EXOC4: variants seen among roughly 807,000 people sequenced by gnomAD.
The protein encoded by EXOC4 is SEC8-like 1.
In EXOC4, 71 loss-of-function variants were observed where a neutral mutation model predicts 107.2. The ratio of observed to expected loss-of-function variants is 0.66; its 90% CI spans 0.55 to 0.81. The LOEUF is 0.81. Ranked by LOEUF, EXOC4 falls within the 30% of genes least tolerant of loss-of-function variation. The pLI, the probability that EXOC4 is intolerant of heterozygous loss-of-function variation, is 0.00. For synonymous variants in EXOC4, 456 were observed against 441.2 expected, an observed-to-expected ratio of 1.03 and a Z score of -0.42; for missense variants, 1,108 against 1,189.6, an observed-to-expected ratio of 0.93 and a Z score of 1.01.
chr7:133,370,035 C>T (rs948479698), intron 6 of EXOC4, among the ~76,000 whole-genome samples: 8 of 152,002 alleles, frequency 5.3e-5, no homozygotes, highest in Non-Finnish European at 7.4e-5. Flanking sequence ...TCAGGTGATC[C>T]GCCACCTCGG....
chr7:133,281,997 CCAGA>C (rs1438310940), intron 2 of EXOC4, among the ~76,000 whole-genome samples: 2 of 152,110 alleles, frequency 1.3e-5, no homozygotes, highest in Non-Finnish European at 2.9e-5. Context: ...GCGATCACGC[CCAGA>C]CAAATTCAGT....
chr7:133,918,739 T>G (rs1799867901), intron 13 of EXOC4, among the ~76,000 whole-genome samples: 1 of 86,896 alleles, frequency 1.2e-5, no homozygotes, highest in African/African-American at 1.4e-4. Flanking sequence ...CCTCTGTCAC[T>G]TATAGAGCTG....
intron 3 of EXOC4, among the ~76,000 whole-genome samples, chr7:133,298,979 G>T (rs1563007940): frequency 6.6e-6 from 1 of 152,062 alleles, no homozygotes; most frequent in East Asian, 1.9e-4. Context: ...TAATGTTTAG[G>T]GATAGGCACA....
intron 7 of EXOC4, among the ~76,000 whole-genome samples, chr7:133,461,930 G>A (rs939838396): frequency 1.3e-5 from 2 of 152,166 alleles, no homozygotes; most frequent in African/African-American, 4.8e-5. Context: ...ACAAACTGCT[G>A]TATGGGTTTT....
In EXOC4 at chr7:133,885,538, C is replaced by T. The variant is rs1026106311; in HGVS notation, c.1735-10061C>T. Among the ~76,000 whole-genome samples, 4 of 152,294 alleles carry T rather than the reference C, an allele frequency of 2.6e-5. No individual in the cohort carries two copies. The South Asian group carries it at 8.3e-4, about 32-fold the overall frequency. ...ATAGGAAGGCACAGTCACTGATCAA[C>T]AGGAATTAGCAGCCTAGTGGAAGAG... On this transcript the variant is annotated intron_variant, in intron 11 of 17. Coordinates refer to ENST00000253861, the MANE Select transcript of EXOC4 (RefSeq NM_021807.4).
At chr7:133,518,286 C>A (rs1799917431) in intron 9 of EXOC4, among the ~76,000 whole-genome samples, 1 of 151,350 alleles carries the variant, frequency 6.6e-6, no homozygotes, top group Non-Finnish European at 1.5e-5. Context: ...ATTTTGCCCC[C>A]CACCCCCTTT....
intron 10 of EXOC4, among the ~76,000 whole-genome samples, chr7:133,701,911 C>T (rs1794663629): frequency 6.6e-6 from 1 of 151,998 alleles, no homozygotes; most frequent in African/African-American, 2.4e-5. Flanking sequence ...GTCACTATCT[C>T]AGCCACCCAT....
chr7:133,945,095 G>C (rs938010360), intron 14 of EXOC4, among the ~76,000 whole-genome samples: 11 of 152,136 alleles, frequency 7.2e-5, no homozygotes, highest in African/African-American at 2.7e-4. Flanking sequence ...ATCAGTTAGA[G>C]AGCTGTAAAA....
chr7:133,938,112 CT>C (rs750558837), intron 14 of EXOC4, 43 bp downstream of exon 14: 1 of 1,595,564 alleles, frequency 6.3e-7, no homozygotes, highest in Non-Finnish European at 8.6e-7. Flanking sequence ...AGTTGAGGAA[CT>C]AGACTGAATG....
intron 13 of EXOC4, among the ~76,000 whole-genome samples, chr7:133,917,985 CTTT>C (rs779537433): frequency 7.0e-6 from 1 of 142,072 alleles, no homozygotes. Flanking sequence ...ATTAAAATAT[CTTT>C]TTTTTTTTTT....
chr7:133,824,073 A>G (rs1323257254), intron 11 of EXOC4, among the ~76,000 whole-genome samples: 1 of 149,784 alleles, frequency 6.7e-6, no homozygotes, highest in Non-Finnish European at 1.5e-5. Context: ...ATTTCATTTG[A>G]TAGCTTTGTG....
intron 14 of EXOC4, among the ~76,000 whole-genome samples, chr7:133,975,847 G>T (rs1440952098): frequency 6.6e-6 from 1 of 151,862 alleles, no homozygotes; most frequent in Non-Finnish European, 1.5e-5. Flanking sequence ...TGAGTCACAG[G>T]TAGAGTAAAA....
At chr7:133,972,271 TAC>T (rs1424468644) in intron 14 of EXOC4, among the ~76,000 whole-genome samples, 2 of 152,232 alleles carry the variant, frequency 1.3e-5, no homozygotes, top group Non-Finnish European at 2.9e-5. Context: ...TTCTCCTTCT[TAC>T]ATTCATTATT....
downstream of EXOC4, among the ~76,000 whole-genome samples, chr7:134,069,325 C>T (rs142063047): frequency 5.1e-4 from 53 of 104,342 alleles, 1 homozygote; most frequent in African/African-American, 1.5e-3. Context: ...CCTTCTCCCC[C>T]TCCTTCTCCT....
In EXOC4 at chr7:133,816,249, TA is replaced by T. The variant is rs1380904383; in HGVS notation, c.1515-1070del. ...AATTGATGGACTGATGTTATTTAAC[TA>T]AAAAACAGTAGTAACTTCAATTTGT... is the stretch of plus-strand genomic sequence containing the variant. On this transcript the variant is annotated intron_variant, in intron 10 of 17. Coordinates refer to ENST00000253861, the MANE Select transcript of EXOC4 (RefSeq NM_021807.4). Among the ~76,000 whole-genome samples the T allele has an allele frequency of 7.9e-5, 12 of 152,250 alleles. No individual in the cohort carries two copies. In the South Asian group the frequency reaches 2.1e-3, roughly 26 times the overall value.
intron 17 of EXOC4, among the ~76,000 whole-genome samples, chr7:134,061,613 C>T (rs1796059489): frequency 6.6e-6 from 1 of 152,214 alleles, no homozygotes; most frequent in South Asian, 2.1e-4. Flanking sequence ...CCCAGATTCA[C>T]TCTCATTTCA....
intron 9 of EXOC4, among the ~76,000 whole-genome samples, chr7:133,515,470 TGAGA>T (rs1224094993): frequency 2.6e-4 from 40 of 151,898 alleles, no homozygotes; most frequent in African/African-American, 4.8e-5. Flanking sequence ...ATACATATAG[TGAGA>T]GAGAAAGAGA....
chr7:133,337,254 G>C (rs1016128924), intron 5 of EXOC4, among the ~76,000 whole-genome samples: 3 of 151,960 alleles, frequency 2.0e-5, no homozygotes, highest in African/African-American at 7.3e-5. Context: ...CCACATTTTG[G>C]TTTCAGTGTA....
chr7:133,755,675 T>C (rs1795902250), intron 10 of EXOC4, among the ~76,000 whole-genome samples: 3 of 152,120 alleles, frequency 2.0e-5, no homozygotes, highest in Admixed American at 2.0e-4. Flanking sequence ...TGTAGAATAA[T>C]AACAGTAACA....
Sources: allele counts gnomAD v4.1 joint callset (sites outside exome capture counted in the v4.1 genomes callset), GRCh38; gene constraint gnomAD v4.1.1; transcripts MANE v1.5; gene names NCBI Gene and HGNC (gene_info 2026-07-23, HGNC 2026-07-21).